EVI5: variants seen among roughly 807,000 people sequenced by gnomAD.
EVI5 encodes the protein ecotropic viral integration site 5 protein homolog.
Under a neutral mutation model 112.0 loss-of-function variants are expected in EVI5, and 73 were observed. That is an observed-to-expected ratio of 0.65 (90% CI 0.54 to 0.79). EVI5 has a LOEUF of 0.79. EVI5 is among the 30% of genes least tolerant of loss of function. The pLI is 0.00. For missense variants in EVI5, 900 were observed against 968.8 expected, an observed-to-expected ratio of 0.93 and a Z score of 0.94; for synonymous variants, 305 against 319.9, an observed-to-expected ratio of 0.95 and a Z score of 0.50.
intron 2 of EVI5, among the ~76,000 whole-genome samples, chr1:92,724,699 T>C (rs1675288275): frequency 6.6e-6 from 1 of 151,852 alleles, no homozygotes; most frequent in African/African-American, 2.4e-5. Flanking sequence ...TCCCAGCTAC[T>C]CGGGAGGCAG....
intron 16 of EVI5, among the ~76,000 whole-genome samples, chr1:92,613,337 T>C (rs1028363660): frequency 6.6e-6 from 1 of 152,194 alleles, no homozygotes; most frequent in African/African-American, 2.4e-5. Context: ...TCACTCTTGT[T>C]GCCCAGGCTG....
At chr1:92,687,191 T>G (rs1424257758) in intron 9 of EVI5, among the ~76,000 whole-genome samples, 6 of 151,954 alleles carry the variant, frequency 3.9e-5, no homozygotes, top group South Asian at 2.1e-4. Context: ...CCAAAACAGA[T>G]ATATAGACCA....
intron 1 of EVI5, among the ~76,000 whole-genome samples, chr1:92,744,200 CAAGTT>C (rs1678890310): frequency 6.6e-6 from 1 of 152,118 alleles, no homozygotes; most frequent in Admixed American, 6.5e-5. Context: ...TCTGAGAATA[CAAGTT>C]AAGATGTGTT....
At chr1:92,594,999 C>T (rs1647333037) in intron 18 of EVI5, among the ~76,000 whole-genome samples, 1 of 152,172 alleles carries the variant, frequency 6.6e-6, no homozygotes, top group Non-Finnish European at 1.5e-5. Flanking sequence ...TTGTAGAAGT[C>T]AGTGTGGCGA....
At chr1:92,713,699 C>A (rs991079317) in intron 2 of EVI5, among the ~76,000 whole-genome samples, 4 of 152,108 alleles carry the variant, frequency 2.6e-5, no homozygotes, top group African/African-American at 9.7e-5. Context: ...ATCACTTGAA[C>A]CCAGGAGGCA....
At chr1:92,583,221 C>T (rs1672228882) in intron 18 of EVI5, among the ~76,000 whole-genome samples, 1 of 151,758 alleles carries the variant, frequency 6.6e-6, no homozygotes, top group African/African-American at 2.4e-5. Flanking sequence ...TTAAAAATAA[C>T]CTTGGGGTCA....
intron 16 of EVI5, among the ~76,000 whole-genome samples, chr1:92,617,911 C>T (rs1242738730): frequency 1.3e-5 from 2 of 152,212 alleles, no homozygotes; most frequent in Non-Finnish European, 2.9e-5. Flanking sequence ...TGGTATTCCA[C>T]ACAGCATTGC....
chr1:92,566,591 C>T lies in EVI5; in HGVS notation c.2071-2854G>A, dbSNP rs1021823428. 3.3e-5 allele frequency among the ~76,000 whole-genome samples: 5 copies of T among 152,104 alleles called. No homozygotes were observed. In the South Asian group the frequency reaches 1.0e-3, roughly 32 times the overall value. Reference sequence around the variant, plus strand: ...ATATTTTTTATTATTTTAGTGTATTCTTTTTATTTATACAAGAAAAATTAA... The same window carrying T: ...ATATTTTTTATTATTTTAGTGTATTTTTTTTATTTATACAAGAAAAATTAA... On this transcript the variant is annotated intron_variant, in intron 18 of 19. Transcript: ENST00000684568.
At chr1:92,614,085 T>C (rs1301394308) in intron 16 of EVI5, among the ~76,000 whole-genome samples, 1 of 152,292 alleles carries the variant, frequency 6.6e-6, no homozygotes, top group Admixed American at 6.5e-5. Flanking sequence ...AAAAATAAAG[T>C]ATTGCTAAGG....
At chr1:92,673,894 T>C (rs1666278806) in intron 10 of EVI5, among the ~76,000 whole-genome samples, 1 of 152,204 alleles carries the variant, frequency 6.6e-6, no homozygotes, top group African/African-American at 2.4e-5. Context: ...CCAAAGGTCT[T>C]ATAATTTAAT....
chr1:92,589,598 A>G (rs1673424188), intron 18 of EVI5, among the ~76,000 whole-genome samples: 2 of 152,206 alleles, frequency 1.3e-5, no homozygotes, highest in Non-Finnish European at 2.9e-5. Context: ...AGGCTTGAGT[A>G]GGTAAACAAC....
chr1:92,790,956 T>C (rs980651358), intron 1 of EVI5, among the ~76,000 whole-genome samples: 1 of 152,212 alleles, frequency 6.6e-6, no homozygotes, highest in African/African-American at 2.4e-5. Flanking sequence ...ATTCTGTTTA[T>C]CTCTTGATAC....
intron 1 of EVI5, among the ~76,000 whole-genome samples, chr1:92,769,485 G>A (rs1025120740): frequency 1.3e-5 from 2 of 152,042 alleles, no homozygotes; most frequent in African/African-American, 4.8e-5. Context: ...CACGCCCCCT[G>A]CCACCCTACC....
In EVI5 at chr1:92,601,426, T is replaced by C. The variant is rs143581677; in HGVS notation, c.2070+3881A>G. ...CTGCACTCCCGTGTTCACTGCATTA[T>C]TCACAATAGCCAAGACATGCAACCA... On this transcript the variant is annotated intron_variant, in intron 18 of 19. Coordinates refer to ENST00000684568, the MANE Select transcript of EVI5 (RefSeq NM_001350197.2). Among the ~76,000 whole-genome samples the C allele has an allele frequency of 1.7e-3, 260 of 152,334 alleles. 5 individuals are homozygous for C. The East Asian group carries it at 0.047, about 27-fold the overall frequency.
chr1:92,736,718 C>T, intron 1 of EVI5, 91 bp from the exon 2 acceptor site: 5 of 866,510 alleles, frequency 5.8e-6, no homozygotes, highest in Non-Finnish European at 9.5e-6. Flanking sequence ...ACTTAATAAC[C>T]ATCATCAGAA....
chr1:92,725,162 C>A (rs1570605048), intron 2 of EVI5, among the ~76,000 whole-genome samples: 1 of 152,074 alleles, frequency 6.6e-6, no homozygotes, highest in Non-Finnish European at 1.5e-5. Context: ...CAGCTGGGAA[C>A]TGATCAATGC....
chr1:92,757,688 G>A (rs1681152310), intron 1 of EVI5, among the ~76,000 whole-genome samples: 1 of 151,670 alleles, frequency 6.6e-6, no homozygotes, highest in Non-Finnish European at 1.5e-5. Flanking sequence ...GATCACTTGA[G>A]GCCAGGAGTT....
At chr1:92,691,291 TAA>T (rs1037028506) in intron 9 of EVI5, among the ~76,000 whole-genome samples, 29 of 152,248 alleles carry the variant, frequency 1.9e-4, no homozygotes, top group African/African-American at 7.0e-4. Flanking sequence ...ACTGATGTAT[TAA>T]AGAGTGAAGT....
intron 12 of EVI5, 81 bp from the exon 13 acceptor site, chr1:92,662,946 C>G: frequency 1.9e-6 from 1 of 534,394 alleles, no homozygotes; most frequent in Non-Finnish European, 2.4e-6. Flanking sequence ...TAGTTATTTA[C>G]TTTGACATGT....
Sources: gnomAD v4.1 joint callset for allele counts (sites outside exome capture counted in the v4.1 genomes callset) on GRCh38, gnomAD v4.1.1 for gene constraint, MANE v1.5 for transcripts, NCBI Gene and HGNC (gene_info 2026-07-23, HGNC 2026-07-21) for gene names.